DBT: variants seen among roughly 807,000 people sequenced by gnomAD.
The protein encoded by DBT is lipoamide acyltransferase component of branched-chain alpha-keto acid dehydrogenase complex, mitochondrial.
DBT carries 40 observed loss-of-function variants against 51.3 expected under a neutral mutation model. The observed-to-expected ratio is 0.78, with a 90% CI of 0.61 to 1.02. The LOEUF is 1.02. Ranked by LOEUF, DBT falls within the 50% of genes least tolerant of loss-of-function variation. The probability of loss-of-function intolerance (pLI) is 0.00; values close to 1 mark genes in which losing one functional copy is unlikely to be tolerated. For missense variants in DBT, 510 were observed against 580.2 expected (o/e 0.88, Z 1.24); for synonymous variants, 181 against 190.4 (o/e 0.95, Z 0.41).
At chr1:100,217,355 C>T (rs1377711707) in intron 5 of DBT, among the ~76,000 whole-genome samples, 2 of 152,110 alleles carry the variant, frequency 1.3e-5, no homozygotes, top group Non-Finnish European at 1.5e-5. Context: ...TAATGTTCCA[C>T]GTTACTATAT....
At chr1:100,208,210 C>T (rs1280545759) in intron 8 of DBT, among the ~76,000 whole-genome samples, 3 of 152,066 alleles carry the variant, frequency 2.0e-5, no homozygotes, top group African/African-American at 4.8e-5. Context: ...ATAAAATTAC[C>T]TTTAGGCTAT....
intron 7 of DBT, chr1:100,211,196 A>C (rs1662115331): frequency 1.3e-6 from 1 of 753,016 alleles, no homozygotes; most frequent in Admixed American, 1.8e-5. Context: ...CGAGGATTTC[A>C]AAGCGCACTG....
At chr1:100,248,600 T>C (rs111986289) in intron 1 of DBT, among the ~76,000 whole-genome samples, 81 of 152,046 alleles carry the variant, frequency 5.3e-4, no homozygotes, top group Non-Finnish European at 9.1e-4. Context: ...GAAAAAGCAA[T>C]ATTTAAAAGG....
At position 100,196,095 on chromosome 1, in the gene DBT, A is replaced by G. The variant is rs1661071059; in HGVS notation, c.*160T>C. On this transcript the variant is annotated 3_prime_UTR_variant, in exon 11 of 11. Transcript: ENST00000370132. ...ATTACACCATTATTCATTTTCAGTA[A>G]AAAGTCTAATAGAACAGTGACAAAT... is the stretch of plus-strand genomic sequence containing the variant. The G allele has an allele frequency of 1.4e-6, 1 of 707,408 alleles. No homozygotes were observed. Among genetic ancestry groups the G allele is most frequent in the African/African-American group, 1.8e-5 (1 of 55,832 alleles). The allele number at this position is 707,408 out of a possible 1,614,324, so 43.8% of individuals were successfully genotyped here.
chr1:100,220,772 C>T (rs1662807301), intron 4 of DBT, among the ~76,000 whole-genome samples: 1 of 152,228 alleles, frequency 6.6e-6, no homozygotes, highest in African/African-American at 2.4e-5. Context: ...CTAGGGCTGA[C>T]TCAATCTGTG....
Position 100,188,758 on chromosome 1 carries a change from T to C in DBT, c.*7497A>G, listed in dbSNP as rs901264037. The C allele has an allele frequency of 6.6e-6, 1 of 152,234 alleles. No individual in the cohort carries two copies. Among genetic ancestry groups the C allele is most frequent in the Non-Finnish European group, 1.5e-5 (1 of 68,066 alleles). 9.4% of individuals were successfully genotyped at this position (152,234 alleles called of 1,614,324 possible). ...CATGGTACTCCATAAAAGCCTGATA[T>C]AGATGACCTCTCTATAACAGAACTG... On this transcript the variant is annotated 3_prime_UTR_variant, in exon 11 of 11. Transcript: ENST00000370132.
At chr1:100,249,031 A>T in intron 1 of DBT, 1 of 866,810 alleles carries the variant, frequency 1.2e-6, no homozygotes, top group Non-Finnish European at 1.4e-6. Flanking sequence ...CAGCACTGGT[A>T]CATAGCAGGC....
intron 10 of DBT, among the ~76,000 whole-genome samples, chr1:100,202,125 G>A (rs1661470493): frequency 6.6e-6 from 1 of 152,096 alleles, no homozygotes; most frequent in Admixed American, 6.6e-5. Context: ...TGGATAAAGA[G>A]TCAAGACCCA....
rs886446231 is a variant in DBT, at chr1:100,192,480, T to C, written c.*3775A>G. 1 of 152,244 alleles carries C rather than the reference T, an allele frequency of 6.6e-6. No individual in the cohort carries two copies. The highest frequency in any genetic ancestry group is 2.4e-5 in the African/African-American group (1 of 41,468). The allele number at this position is 152,244 out of a possible 1,614,324, so 9.4% of individuals were successfully genotyped here. On this transcript the variant is annotated 3_prime_UTR_variant, in exon 11 of 11. Transcript: ENST00000370132. ...GGAAACATTTGTATTCTTGGTACTG[T>C]AGGGCAGTGCTGAGCCCTGTCATTT... is the stretch of plus-strand genomic sequence containing the variant.
At chr1:100,225,228 C>T (rs1256771679) in intron 4 of DBT, among the ~76,000 whole-genome samples, 1 of 151,544 alleles carries the variant, frequency 6.6e-6, no homozygotes, top group East Asian at 1.9e-4. Context: ...CCTTCCTACC[C>T]TCCATACTCT....
chr1:100,223,850 T>A (rs1236242488), intron 4 of DBT, among the ~76,000 whole-genome samples: 2 of 151,996 alleles, frequency 1.3e-5, no homozygotes, highest in Non-Finnish European at 2.9e-5. Context: ...AAAAAAAAAA[T>A]TAAGTAACTG....
intron 4 of DBT, 53 bp from the exon 5 acceptor site, chr1:100,218,800 C>A (rs1030733046): frequency 9.1e-5 from 125 of 1,380,442 alleles, no homozygotes; most frequent in Admixed American, 1.2e-4. Flanking sequence ...TTTTTTTTTA[C>A]TAAGATGTAA....
intron 1 of DBT, among the ~76,000 whole-genome samples, chr1:100,248,864 T>A (rs1664717455): frequency 6.6e-6 from 1 of 152,186 alleles, no homozygotes; most frequent in African/African-American, 2.4e-5. Context: ...TCCTGTGTGT[T>A]CCTGTAGTTC....
chr1:100,218,937 G>GT (rs1309940881), intron 4 of DBT, among the ~76,000 whole-genome samples, 190 bp from the exon 5 acceptor site: 3 of 151,630 alleles, frequency 2.0e-5, no homozygotes, highest in African/African-American at 7.3e-5. Flanking sequence ...TAGAGTGGGG[G>GT]GGGGGGTGTG....
intron 10 of DBT, chr1:100,197,103 AT>A (rs1320087850): frequency 3.2e-5 from 5 of 156,884 alleles, no homozygotes; most frequent in African/African-American, 4.8e-5. Flanking sequence ...ATCAAAAAAA[AT>A]GTAGACAAAA....
chr1:100,213,236 C>A, intron 7 of DBT: 1 of 1,098,902 alleles, frequency 9.1e-7, no homozygotes, highest in East Asian at 3.6e-5. Flanking sequence ...GGGGCCCGAG[C>A]CACCCGGGGC....
Position 100,192,976 on chromosome 1 carries a change from C to T in DBT, c.*3279G>A, listed in dbSNP as rs1660878895. On this transcript the variant is annotated 3_prime_UTR_variant, in exon 11 of 11. Coordinates refer to ENST00000370132, the MANE Select transcript of DBT (RefSeq NM_001918.5). Reference sequence around the variant, plus strand: ...CTTTTCCTCCTCCCAAACACCCATCCCTTGCTTTGTAGAGCCTCATGGACC... The same window carrying T: ...CTTTTCCTCCTCCCAAACACCCATCTCTTGCTTTGTAGAGCCTCATGGACC... 1 of 152,346 alleles carries T rather than the reference C, an allele frequency of 6.6e-6. No homozygotes were observed. Among genetic ancestry groups the T allele is most frequent in the African/African-American group, 2.4e-5 (1 of 41,470 alleles). 9.4% of individuals were successfully genotyped at this position (152,346 alleles called of 1,614,324 possible).
At chr1:100,203,556 T>G (rs1661576081) in intron 10 of DBT, among the ~76,000 whole-genome samples, 1 of 152,150 alleles carries the variant, frequency 6.6e-6, no homozygotes, top group Admixed American at 6.5e-5. Flanking sequence ...TCTGAAACTA[T>G]TCCAAACAAC....
chr1:100,238,816 T>C (rs1448712451), intron 2 of DBT, among the ~76,000 whole-genome samples: 1 of 152,132 alleles, frequency 6.6e-6, no homozygotes, highest in Non-Finnish European at 1.5e-5. Flanking sequence ...TGGTGAGAGA[T>C]GTGAGCTACA....
Sources: gnomAD v4.1 joint callset for allele counts (sites outside exome capture counted in the v4.1 genomes callset) on GRCh38, gnomAD v4.1.1 for gene constraint, MANE v1.5 for transcripts, NCBI Gene and HGNC (gene_info 2026-07-23, HGNC 2026-07-21) for gene names.